Variants in BEND5 observed in about 807,000 individuals in gnomAD.
The protein encoded by BEND5 is BEN domain-containing protein 5.
Under a neutral mutation model 43.9 loss-of-function variants are expected in BEND5, and 22 were observed. That is an observed-to-expected ratio of 0.50 (90% CI 0.36 to 0.72). BEND5 has a LOEUF of 0.72. Ranked by LOEUF, BEND5 falls within the 30% of genes least tolerant of loss-of-function variation. BEND5 has a pLI of 0.00. For synonymous variants in BEND5, 228 were observed against 225.9 expected, an observed-to-expected ratio of 1.01 and a Z score of -0.08; for missense variants, 428 against 550.6, an observed-to-expected ratio of 0.78 and a Z score of 2.23.
Position 48,760,680 on chromosome 1 carries a change from C to T in BEND5, c.360+657G>A, listed in dbSNP as rs929486952. On this transcript the variant is annotated intron_variant, in intron 2 of 5. Coordinates refer to ENST00000371833, the MANE Select transcript of BEND5 (RefSeq NM_024603.4). ...CTCAGCTACATTCCTTGGGAACACCCTCAACCTTGTGACCAAAATCAGACC... is the reference window on the plus strand; with the variant it reads ...CTCAGCTACATTCCTTGGGAACACCTTCAACCTTGTGACCAAAATCAGACC... Among the ~76,000 whole-genome samples, 5 of 152,144 alleles carry T rather than the reference C, an allele frequency of 3.3e-5. 1 individual carries two copies. The highest frequency in any genetic ancestry group is 1.2e-4 in the African/African-American group (5 of 41,418).
chr1:48,746,808 G>A (rs751272143), intron 3 of BEND5, among the ~76,000 whole-genome samples: 6 of 152,198 alleles, frequency 3.9e-5, no homozygotes, highest in Non-Finnish European at 7.3e-5. Flanking sequence ...CTCTGGAAGA[G>A]CCTAGCACTG....
At chr1:48,771,637 C>CT (rs988671956) in intron 1 of BEND5, among the ~76,000 whole-genome samples, 4 of 152,188 alleles carry the variant, frequency 2.6e-5, no homozygotes, top group African/African-American at 7.2e-5. Context: ...TTTTCACTCA[C>CT]TTTTTTCAAG....
At chr1:48,738,980 T>C (rs1649492002) in intron 4 of BEND5, among the ~76,000 whole-genome samples, 1 of 152,328 alleles carries the variant, frequency 6.6e-6, no homozygotes, top group Non-Finnish European at 1.5e-5. Context: ...ATCAGTCAAT[T>C]TTGGAATCAA....
chr1:48,770,335 C>G (rs1644750533), intron 1 of BEND5, among the ~76,000 whole-genome samples: 2 of 152,166 alleles, frequency 1.3e-5, no homozygotes, highest in Admixed American at 1.3e-4. Flanking sequence ...CCCAAACAAG[C>G]CTAGTTCTAG....
intron 1 of BEND5, among the ~76,000 whole-genome samples, chr1:48,765,935 C>T (rs553792313): frequency 6.6e-6 from 1 of 152,166 alleles, no homozygotes; most frequent in African/African-American, 2.4e-5. Flanking sequence ...AGTGACTGCT[C>T]AATGGGTAAC....
intron 3 of BEND5, among the ~76,000 whole-genome samples, chr1:48,747,833 AT>A (rs1651006959): frequency 6.6e-6 from 1 of 152,110 alleles, no homozygotes; most frequent in South Asian, 2.1e-4. Context: ...GAAATCACCT[AT>A]TTTTTCAAAC....
chr1:48,740,662 T>G (rs1340836062), intron 4 of BEND5, among the ~76,000 whole-genome samples: 2 of 152,194 alleles, frequency 1.3e-5, no homozygotes, highest in Non-Finnish European at 2.9e-5. Flanking sequence ...GTGAAAAGTT[T>G]TATAGGACAA....
Position 48,774,953 on chromosome 1 carries a change from C to T in BEND5, c.226+1653G>A, listed in dbSNP as rs563727144. Among the ~76,000 whole-genome samples, 16 of 152,308 alleles carry T rather than the reference C, an allele frequency of 1.1e-4. No homozygotes were observed. The South Asian group carries it at 2.3e-3, about 22-fold the overall frequency. ...TCCAGATCTAGGAGTACAATACAAT[C>T]GTCAAGAAGCATGCATGCATTTTCT... On this transcript the variant is annotated intron_variant, in intron 1 of 5. Transcript: ENST00000371833.
Position 48,759,091 on chromosome 1 carries a change from T to A in BEND5, c.554A>T (p.Glu185Val), listed in dbSNP as rs775592004. The A allele has an allele frequency of 3.1e-6, 5 of 1,612,406 alleles. No individual in the cohort carries two copies. The highest frequency in any genetic ancestry group is 4.2e-6 in the Non-Finnish European group (5 of 1,179,150). Residue 185 changes from glutamate to valine, a missense_variant, in exon 3 of 6, where the codon GAG (glutamate) becomes GTG (valine). Glu to Val is a moderately radical substitution (Grantham distance 121). Transcript: ENST00000371833. ...DAVVPRALYE[E>V]LLRNYQQQQE... Reference sequence around the variant, plus strand: ...TTGCTGCTGGTAGTTGCGCAGCAGCTCCTCATACAGAGCCCGGGGCACCAC... The same window carrying A: ...TTGCTGCTGGTAGTTGCGCAGCAGCACCTCATACAGAGCCCGGGGCACCAC...
At chr1:48,738,215 A>T (rs1444831521) in intron 4 of BEND5, among the ~76,000 whole-genome samples, 1 of 152,238 alleles carries the variant, frequency 6.6e-6, no homozygotes, top group Non-Finnish European at 1.5e-5. Context: ...ATAGCAATGC[A>T]GCCCACCCAT....
chr1:48,768,112 C>T (rs1395977486), intron 1 of BEND5, among the ~76,000 whole-genome samples: 1 of 152,170 alleles, frequency 6.6e-6, no homozygotes, highest in African/African-American at 2.4e-5. Flanking sequence ...CCTAATTATC[C>T]TACAGCAACA....
intron 3 of BEND5, among the ~76,000 whole-genome samples, chr1:48,755,183 G>C (rs1350512453): frequency 7.9e-5 from 12 of 152,128 alleles, no homozygotes. Context: ...ACCTTTCCAA[G>C]GTGCGCCATT....
chr1:48,746,788 C>T (rs951453738), intron 3 of BEND5, among the ~76,000 whole-genome samples: 19 of 152,246 alleles, frequency 1.2e-4, no homozygotes, highest in African/African-American at 4.3e-4. Context: ...ACCATGCAGG[C>T]TGCTGACGTC....
At chr1:48,742,601 G>A in intron 4 of BEND5, 22 bp downstream of exon 4, 3 of 1,512,164 alleles carry the variant, frequency 2.0e-6, no homozygotes, top group Non-Finnish European at 2.7e-6. Context: ...GCAGGGAATG[G>A]ATATTGAGCT....
In BEND5 at chr1:48,774,961, A is replaced by C. The variant is rs188098266; in HGVS notation, c.226+1645T>G. Among the ~76,000 whole-genome samples, 8 of 152,352 alleles carry C rather than the reference A, an allele frequency of 5.3e-5. No homozygotes were observed. The East Asian group carries it at 1.5e-3, about 29-fold the overall frequency. ...TAGGAGTACAATACAATCGTCAAGA[A>C]GCATGCATGCATTTTCTTCTAGCAA... On this transcript the variant is annotated intron_variant, in intron 1 of 5. Transcript: ENST00000371833.
At chr1:48,744,716 C>T (rs1570461808) in intron 3 of BEND5, among the ~76,000 whole-genome samples, 2 of 152,318 alleles carry the variant, frequency 1.3e-5, no homozygotes, top group South Asian at 4.1e-4. Context: ...CCCTGTCTTT[C>T]CTTGCTTAGG....
At chr1:48,773,425 C>G (rs1271848216) in intron 1 of BEND5, among the ~76,000 whole-genome samples, 1 of 151,984 alleles carries the variant, frequency 6.6e-6, no homozygotes, top group African/African-American at 2.4e-5. Flanking sequence ...TGTGGACCCT[C>G]CAAGAGGGAC....
chr1:48,751,839 C>T (rs1651788451), intron 3 of BEND5, among the ~76,000 whole-genome samples: 1 of 152,124 alleles, frequency 6.6e-6, no homozygotes, highest in African/African-American at 2.4e-5. Context: ...CCCAGGAAAA[C>T]GGAGTCTAGG....
At chr1:48,757,383 T>C (rs1643991689) in intron 3 of BEND5, among the ~76,000 whole-genome samples, 1 of 152,240 alleles carries the variant, frequency 6.6e-6, no homozygotes, top group Admixed American at 6.5e-5. Flanking sequence ...TAAAGAACTT[T>C]ACTAACTTTT....
Sources: gnomAD v4.1 joint callset for allele counts (sites outside exome capture counted in the v4.1 genomes callset) on GRCh38, gnomAD v4.1.1 for gene constraint, MANE v1.5 for transcripts, NCBI Gene and HGNC (gene_info 2026-07-23, HGNC 2026-07-21) for gene names.